MLXIP: variants seen among roughly 807,000 people sequenced by gnomAD.
MLXIP encodes MLX-interacting protein.
A neutral mutation model predicts 87.2 loss-of-function variants in MLXIP; 30 were observed. That is an observed-to-expected ratio of 0.34 (90% CI 0.26 to 0.47). The LOEUF (loss-of-function observed/expected upper bound fraction) is 0.47. MLXIP is among the 20% of genes least tolerant of loss of function. MLXIP has a pLI of 1.00. For missense variants in MLXIP, 1,002 were observed against 1,240.1 expected (o/e 0.81, Z 2.88); for synonymous variants, 530 against 514.0 (o/e 1.03, Z -0.42).
At chr12:122,116,022 G>T (rs1394902717) in intron 1 of MLXIP, among the ~76,000 whole-genome samples, 2 of 150,976 alleles carry the variant, frequency 1.3e-5, no homozygotes, top group Non-Finnish European at 2.9e-5. Context: ...CTGCAATCCA[G>T]CCTGGGTGAC....
At chr12:122,103,149 G>A (rs1471844819) in intron 1 of MLXIP, among the ~76,000 whole-genome samples, 2 of 152,104 alleles carry the variant, frequency 1.3e-5, no homozygotes, top group Non-Finnish European at 2.9e-5. Flanking sequence ...GACTACAGGT[G>A]TACGCCACCA....
intron 9 of MLXIP, chr12:122,134,205 G>T (rs949751236): frequency 3.4e-4 from 172 of 499,242 alleles, no homozygotes; most frequent in South Asian, 1.6e-3. Context: ...TTTTTGTTTG[G>T]TTTTTTTTTT....
At chr12:122,110,064 G>A (rs1952580804) in intron 1 of MLXIP, among the ~76,000 whole-genome samples, 1 of 152,072 alleles carries the variant, frequency 6.6e-6, no homozygotes, top group African/African-American at 2.4e-5. Flanking sequence ...TCTGGGGAGG[G>A]ATACAATTCC....
intron 1 of MLXIP, among the ~76,000 whole-genome samples, chr12:122,111,000 C>T (rs1223382978): frequency 6.6e-6 from 1 of 151,172 alleles, no homozygotes; most frequent in Admixed American, 6.6e-5. Context: ...TGGCGTGAAC[C>T]CAGGAGGCGG....
At position 122,079,156 on chromosome 12, in the gene MLXIP, G is replaced by A. The variant is rs1197074389; in HGVS notation, c.303G>A (p.Thr101=). 6.4e-7 allele frequency: 1 copy of A among 1,550,670 alleles called. No individual in the cohort carries two copies. The change falls in exon 1 of 17, where the codon ACG becomes ACA. Residue 101 remains threonine, a synonymous_variant. Transcript: ENST00000319080. The stretch of plus-strand genomic sequence containing the variant: ...CCAAGAAGGGCTACGATTTCGACAC[G>A]GTCAACAAACAGACGTGCCAGACCT... ...HPPKKGYDFD[T]VNKQTCQTYS...
intron 1 of MLXIP, among the ~76,000 whole-genome samples, chr12:122,084,144 TTGTGTGTGTGTGTGTG>T (rs746678463): frequency 5.9e-4 from 82 of 138,160 alleles, no homozygotes; most frequent in African/African-American, 1.0e-3. Context: ...CTCAGCCAGA[TTGTGTGTGTGTGTGTG>T]TGTGTGTGTG....
At chr12:122,093,110 GGT>G (rs1952273284) in intron 1 of MLXIP, among the ~76,000 whole-genome samples, 1 of 148,618 alleles carries the variant, frequency 6.7e-6, no homozygotes, top group African/African-American at 2.5e-5. Context: ...TGTGTGTGTT[GGT>G]GTGTGGGATG....
At chr12:122,079,292 G>T (rs764695407) in intron 1 of MLXIP, 26 bp downstream of exon 1, 1 of 1,541,346 alleles carries the variant, frequency 6.5e-7, no homozygotes, top group South Asian at 1.2e-5. Flanking sequence ...ACCCCCTGAG[G>T]CCCCGGCCGG....
rs770205029 is a variant in MLXIP at position 122,134,000 on chromosome 12, G to A, written c.1732+13G>A. On this transcript the variant is annotated intron_variant, in intron 9 of 16. Transcript: ENST00000319080. The surrounding 1 kb of genome is among the most constrained non-coding windows in gnomAD (Gnocchi z 4.9). The stretch of plus-strand genomic sequence containing the variant: ...CGTATCGCCCCAGGTGAGCCAGGCG[G>A]GGAGACTCAGTGCGGGGCTCCCCCC... The A allele has an allele frequency of 1.3e-6, 2 of 1,587,066 alleles. No homozygotes were observed. Among genetic ancestry groups the A allele is most frequent in the East Asian group, 2.3e-5 (1 of 44,010 alleles).
chr12:122,132,679 G>A (rs1013813739), intron 8 of MLXIP: 72 of 343,000 alleles, frequency 2.1e-4, no homozygotes, highest in African/African-American at 1.4e-3. Context: ...GCTAGACAGA[G>A]AAGAAAAACA....
rs1347679469 is a variant in MLXIP, at chr12:122,109,899, A to G, written c.414-17357A>G. Reference sequence around the variant, plus strand: ...CAAAGTTGTTCGTATGCTTTTTTGAATCCTCTTCCTCAAATAAGCCAGAAT... The same window carrying G: ...CAAAGTTGTTCGTATGCTTTTTTGAGTCCTCTTCCTCAAATAAGCCAGAAT... On this transcript the variant is annotated intron_variant, in intron 1 of 16. Transcript: ENST00000319080. 3.9e-5 allele frequency among the ~76,000 whole-genome samples: 6 copies of G among 152,138 alleles called. No individual in the cohort carries two copies. In the East Asian group the frequency reaches 1.2e-3, roughly 29 times the overall value.
In MLXIP at chr12:122,135,094, T is replaced by A; in HGVS notation, c.1733-130T>A. ...AGTCACACAAATGGTTTTAGGTGCC[T>A]TGGTGGCTTTGTCTTCCTGTCCCCT... On this transcript the variant is annotated intron_variant, in intron 9 of 16. Coordinates refer to ENST00000319080, the MANE Select transcript of MLXIP (RefSeq NM_014938.6). This position sits in a 1 kb window ranked among gnomAD's most constrained non-coding sequence, Gnocchi z 5.3. 8.6e-7 allele frequency: 1 copy of A among 1,162,246 alleles called. No homozygotes were observed. The highest frequency in any genetic ancestry group is 1.2e-6 in the Non-Finnish European group (1 of 801,118). The allele number at this position is 1,162,246 out of a possible 1,614,324, so 72.0% of individuals were successfully genotyped here.
intron 1 of MLXIP, among the ~76,000 whole-genome samples, chr12:122,122,860 C>CTT (rs60568039): frequency 4.2e-4 from 60 of 142,400 alleles, no homozygotes; most frequent in East Asian, 1.4e-3. Flanking sequence ...TTTTCTTTTT[C>CTT]TTTTTTTTTT....
At chr12:122,125,309 G>A (rs888619947) in intron 1 of MLXIP, among the ~76,000 whole-genome samples, 1 of 148,856 alleles carries the variant, frequency 6.7e-6, no homozygotes, top group Non-Finnish European at 1.5e-5. Flanking sequence ...TCCAGCCTGG[G>A]CAACAGAGCG....
At chr12:122,116,941 C>T (rs1952701432) in intron 1 of MLXIP, among the ~76,000 whole-genome samples, 1 of 152,214 alleles carries the variant, frequency 6.6e-6, no homozygotes, top group African/African-American at 2.4e-5. Flanking sequence ...AAGGCCTGGA[C>T]ACAGCCCATC....
Position 122,135,174 on chromosome 12 carries a change from C to A in MLXIP, c.1733-50C>A, listed in dbSNP as rs1481563320. The A allele has an allele frequency of 1.2e-6, 2 of 1,601,976 alleles. No individual in the cohort carries two copies. The highest frequency in any genetic ancestry group is 2.3e-5 in the East Asian group (1 of 44,252). ...GAGAGGCAGCCTCTGCAGGGTGGGC[C>A]AGGCCCTGTGGCCCAGGGCTGCACC... On this transcript the variant is annotated intron_variant, in intron 9 of 16. Coordinates refer to ENST00000319080, the MANE Select transcript of MLXIP (RefSeq NM_014938.6). The surrounding 1 kb of genome is among the most constrained non-coding windows in gnomAD (Gnocchi z 5.3).
intron 1 of MLXIP, among the ~76,000 whole-genome samples, chr12:122,085,555 C>G (rs574937547): frequency 1.8e-4 from 28 of 152,292 alleles, no homozygotes; most frequent in African/African-American, 6.7e-4. Context: ...AGGCACATGC[C>G]ACCATGCCCG....
intron 9 of MLXIP, 191 bp downstream of exon 9, chr12:122,134,178 G>T: frequency 1.4e-6 from 1 of 704,492 alleles, no homozygotes; most frequent in Non-Finnish European, 2.1e-6. Flanking sequence ...CGTTTTCTAT[G>T]CTCTATCTTT....
chr12:122,093,933 GGT>G lies in MLXIP; in HGVS notation c.413+14673_413+14674del, dbSNP rs1340856666. On this transcript the variant is annotated intron_variant, in intron 1 of 16. Transcript: ENST00000319080. ...GTGTGTTTGCGGTGTCTGGTGTGGT[GGT>G]GTGTGGGGTGTGTTGGTGTGTGTGT... 3.4e-4 allele frequency among the ~76,000 whole-genome samples: 47 copies of G among 138,130 alleles called. 1 individual carries two copies. Among genetic ancestry groups the G allele is most frequent in the Admixed American group, 6.5e-4 (9 of 13,878 alleles). 90.6% of individuals were successfully genotyped at this position (138,130 alleles called of 152,430 possible).
Sources: allele counts gnomAD v4.1 joint callset (sites outside exome capture counted in the v4.1 genomes callset), GRCh38; gene constraint gnomAD v4.1.1; non-coding constraint Gnocchi (gnomAD v3.1); transcripts MANE v1.5; gene names NCBI Gene and HGNC (gene_info 2026-07-23, HGNC 2026-07-21).